BCAT1: variants seen among roughly 807,000 people sequenced by gnomAD.
BCAT1 encodes the protein branched chain amino acid transaminase 1.
BCAT1 carries 48 observed loss-of-function variants against 52.4 expected under a neutral mutation model. That is an observed-to-expected ratio of 0.92 (90% CI 0.73 to 1.16). BCAT1 has a LOEUF of 1.16. Ranked by LOEUF, BCAT1 falls within the 50% of genes most tolerant of loss-of-function variation. The probability of loss-of-function intolerance (pLI) is 0.00; values close to 1 mark genes in which losing one functional copy is unlikely to be tolerated. For synonymous variants in BCAT1, 167 were observed against 161.3 expected, an observed-to-expected ratio of 1.04 and a Z score of -0.27; for missense variants, 451 against 457.1, an observed-to-expected ratio of 0.99 and a Z score of 0.12.
At chr12:24,886,071 A>T (rs993478119) in intron 3 of BCAT1, among the ~76,000 whole-genome samples, 11 of 152,214 alleles carry the variant, frequency 7.2e-5, no homozygotes, top group African/African-American at 2.7e-4. Flanking sequence ...TGAACAAAAA[A>T]CTTGAACAAG....
intron 1 of BCAT1, among the ~76,000 whole-genome samples, chr12:24,910,364 G>A (rs893178864): frequency 4.6e-5 from 7 of 151,282 alleles, no homozygotes; most frequent in Non-Finnish European, 8.8e-5. Context: ...GTGACATAGC[G>A]AGACTCTGTC....
chr12:24,919,902 T>A (rs905245946), intron 1 of BCAT1, among the ~76,000 whole-genome samples: 4 of 152,196 alleles, frequency 2.6e-5, no homozygotes, highest in Admixed American at 6.5e-5. Context: ...TTCGCTTGGT[T>A]CTCATTTTCT....
chr12:24,908,305 A>C (rs1466230799), intron 1 of BCAT1, among the ~76,000 whole-genome samples: 1 of 152,240 alleles, frequency 6.6e-6, no homozygotes, highest in Non-Finnish European at 1.5e-5. Context: ...TTCCAGTAGA[A>C]CTTTCTGTGC....
chr12:24,911,715 G>C (rs558844448), intron 1 of BCAT1, among the ~76,000 whole-genome samples: 2 of 151,604 alleles, frequency 1.3e-5, no homozygotes, highest in South Asian at 2.1e-4. Flanking sequence ...CCCACCCCTC[G>C]TCCTCATTTG....
At chr12:24,913,339 G>A (rs973842518) in intron 1 of BCAT1, among the ~76,000 whole-genome samples, 3 of 152,232 alleles carry the variant, frequency 2.0e-5, no homozygotes. Context: ...TAGCAAGGCC[G>A]ATCCTGGCAT....
chr12:24,863,497 G>A (rs1040974679), intron 5 of BCAT1, among the ~76,000 whole-genome samples: 1 of 152,218 alleles, frequency 6.6e-6, no homozygotes, highest in South Asian at 2.1e-4. Flanking sequence ...GAATTATCAT[G>A]CCAGTTATTT....
intron 5 of BCAT1, among the ~76,000 whole-genome samples, chr12:24,857,415 G>T (rs964771074): frequency 6.6e-6 from 1 of 152,150 alleles, no homozygotes; most frequent in Non-Finnish European, 1.5e-5. Flanking sequence ...TGTTTGTCCT[G>T]GCTAGAGTCT....
intron 1 of BCAT1, among the ~76,000 whole-genome samples, chr12:24,908,914 A>G (rs537828672): frequency 2.4e-4 from 37 of 152,254 alleles, no homozygotes; most frequent in African/African-American, 8.7e-4. Flanking sequence ...TTTGAGTCTC[A>G]TATTTAAACT....
chr12:24,827,963 G>T (rs919456505), intron 10 of BCAT1, among the ~76,000 whole-genome samples: 3 of 151,562 alleles, frequency 2.0e-5, no homozygotes, highest in Non-Finnish European at 4.4e-5. Context: ...TGTTGCCTAG[G>T]CTAGTCTTGA....
At position 24,887,083 on chromosome 12, in the gene BCAT1, ATATATATAT is replaced by A. The variant is rs1942699083; in HGVS notation, c.280-5681_280-5673del. On this transcript the variant is annotated intron_variant, in intron 3 of 10. Transcript: ENST00000261192. Reference sequence around the variant, plus strand: ...AGCTAAAAAAAAAAAAAAAAAAAATATATATATATATATATATATATATATATAAAGCTG... The same window carrying A: ...AGCTAAAAAAAAAAAAAAAAAAAATAATATATATATATATATATAAAGCTG... Among the ~76,000 whole-genome samples, 10 of 95,174 alleles carry A rather than the reference ATATATATAT, an allele frequency of 1.1e-4. 2 individuals are homozygous for A. The highest frequency in any genetic ancestry group is 2.7e-4 in the African/African-American group (6 of 21,930). The allele number at this position is 95,174 out of a possible 152,430, so 62.4% of individuals were successfully genotyped here. A position where few individuals can be genotyped will look rare whatever the true frequency, so the allele number is the denominator to read the frequency against.
intron 9 of BCAT1, 92 bp from the exon 10 acceptor site, chr12:24,829,989 C>T: frequency 1.1e-6 from 1 of 885,540 alleles, no homozygotes; most frequent in Non-Finnish European, 1.7e-6. Flanking sequence ...TATACTAAGG[C>T]AATTCCACTG....
intron 7 of BCAT1, among the ~76,000 whole-genome samples, chr12:24,837,583 C>A (rs954178021): frequency 6.6e-6 from 1 of 151,860 alleles, no homozygotes; most frequent in African/African-American, 2.4e-5. Context: ...CGCGCCACCA[C>A]GCCTGGCTAA....
At chr12:24,831,010 C>T (rs1940642152) in intron 9 of BCAT1, among the ~76,000 whole-genome samples, 1 of 152,158 alleles carries the variant, frequency 6.6e-6, no homozygotes, top group South Asian at 2.1e-4. Context: ...TTACGGTTGA[C>T]ACTTGAACAA....
Position 24,812,174 on chromosome 12 carries a change from T to C in BCAT1, c.*5834A>G, listed in dbSNP as rs1356719915. 1 of 152,144 alleles carries C rather than the reference T, an allele frequency of 6.6e-6. No homozygotes were observed. The highest frequency in any genetic ancestry group is 1.5e-5 in the Non-Finnish European group (1 of 67,956). 9.4% of individuals were successfully genotyped at this position (152,144 alleles called of 1,614,324 possible). A position where few individuals can be genotyped will look rare whatever the true frequency, so the allele number is the denominator to read the frequency against. Reference sequence around the variant, plus strand: ...TACATTCCTTTCTTAACCCTGAGAATGAGTTTAATGATCATAGGAAACTAG... The same window carrying C: ...TACATTCCTTTCTTAACCCTGAGAACGAGTTTAATGATCATAGGAAACTAG... On this transcript the variant is annotated 3_prime_UTR_variant, in exon 11 of 11. Coordinates refer to ENST00000261192, the MANE Select transcript of BCAT1 (RefSeq NM_005504.7).
chr12:24,825,507 G>A lies in BCAT1; in HGVS notation c.1119+4316C>T, dbSNP rs541857450. On this transcript the variant is annotated intron_variant, in intron 10 of 10. Coordinates refer to ENST00000261192, the MANE Select transcript of BCAT1 (RefSeq NM_005504.7). ...ATACAAGCCATTTTAACTAGGGCAAGTGGATTTTACATTGTGGTTTTGTTT... is the reference window on the plus strand; with the variant it reads ...ATACAAGCCATTTTAACTAGGGCAAATGGATTTTACATTGTGGTTTTGTTT... 5.0e-4 allele frequency among the ~76,000 whole-genome samples: 75 copies of A among 151,376 alleles called. No homozygotes were observed. In the South Asian group the frequency reaches 0.015, roughly 31 times the overall value.
intron 1 of BCAT1, among the ~76,000 whole-genome samples, chr12:24,934,172 A>T (rs767502478): frequency 1.3e-5 from 2 of 152,138 alleles, no homozygotes; most frequent in Non-Finnish European, 2.9e-5. Flanking sequence ...CTATCTACCT[A>T]AGTGATTTCT....
At chr12:24,878,157 C>T (rs537351057) in intron 5 of BCAT1, among the ~76,000 whole-genome samples, 1 of 150,268 alleles carries the variant, frequency 6.7e-6, no homozygotes, top group South Asian at 2.1e-4. Context: ...AAAAAAAAAA[C>T]CAGAGAGAGA....
chr12:24,891,489 A>T (rs1416273267), intron 3 of BCAT1, among the ~76,000 whole-genome samples: 1 of 152,234 alleles, frequency 6.6e-6, no homozygotes, highest in Admixed American at 6.5e-5. Flanking sequence ...ATGAAAAATA[A>T]TTTTAAAATG....
intron 1 of BCAT1, among the ~76,000 whole-genome samples, chr12:24,943,809 C>A (rs538900252): frequency 6.6e-6 from 1 of 151,718 alleles, no homozygotes; most frequent in East Asian, 1.9e-4. Context: ...ATGGTGAAAC[C>A]CCGTCTCTAC....
Sources: gnomAD v4.1 joint callset for allele counts (sites outside exome capture counted in the v4.1 genomes callset) on GRCh38, gnomAD v4.1.1 for gene constraint, MANE v1.5 for transcripts, NCBI Gene and HGNC (gene_info 2026-07-23, HGNC 2026-07-21) for gene names.